Variants in ECM2 observed in about 807,000 individuals in gnomAD.
ECM2 encodes extracellular matrix protein 2, also known as extracellular matrix protein 2, female organ and adipocyte specific.
In ECM2, 57 loss-of-function variants were observed where a neutral mutation model predicts 67.5. That is an observed-to-expected ratio of 0.84 (90% CI 0.68 to 1.05). The LOEUF (loss-of-function observed/expected upper bound fraction) is 1.05. Ranked by LOEUF, ECM2 falls within the 50% of genes least tolerant of loss-of-function variation. The pLI is 0.00. For missense variants in ECM2, 741 were observed against 822.8 expected (o/e 0.90, Z 1.22); for synonymous variants, 258 against 294.5 (o/e 0.88, Z 1.27).
intron 2 of ECM2, 123 bp from the exon 3 acceptor site, chr9:92,517,998 T>C: frequency 8.9e-7 from 1 of 1,126,136 alleles, no homozygotes; most frequent in Non-Finnish European, 1.3e-6. Context: ...CTATGTGCAT[T>C]CATGTATAGG....
upstream of ECM2, among the ~76,000 whole-genome samples, chr9:92,536,945 C>T (rs1185004320): frequency 6.6e-6 from 1 of 150,758 alleles, no homozygotes; most frequent in Non-Finnish European, 1.5e-5. Flanking sequence ...TCTCAGCACA[C>T]TGAAACCTCC....
chr9:92,553,341 A>G, the ECM2 span, among the ~76,000 whole-genome samples: 1 of 152,054 alleles, frequency 6.6e-6, no homozygotes, highest in South Asian at 2.1e-4. Context: ...AGGTTGTGTG[A>G]TGTCTCCAGA....
intron 1 of ECM2, 59 bp downstream of exon 1, chr9:92,535,874 C>A: frequency 2.3e-5 from 9 of 397,608 alleles, no homozygotes; most frequent in South Asian, 7.9e-5. Flanking sequence ...AATAAAATAC[C>A]CAAATATTAA....
intron 7 of ECM2, among the ~76,000 whole-genome samples, chr9:92,504,378 C>T (rs938525931): frequency 1.3e-5 from 2 of 152,192 alleles, no homozygotes; most frequent in Non-Finnish European, 2.9e-5. Context: ...TCTTTTCTGG[C>T]TTGCTGGGGC....
At chr9:92,525,317 C>CA (rs59745811) in intron 1 of ECM2, among the ~76,000 whole-genome samples, 4,289 of 118,270 alleles carry the variant, frequency 0.036, 192 homozygotes, top group African/African-American at 0.11. Context: ...GACTCTGTCT[C>CA]AAAAAAAAAA....
chr9:92,534,157 G>C (rs541783577), intron 1 of ECM2, among the ~76,000 whole-genome samples: 6 of 152,180 alleles, frequency 3.9e-5, no homozygotes, highest in Admixed American at 1.3e-4. Flanking sequence ...GTCTGTGAAG[G>C]ACTCCTCAGA....
chr9:92,551,949 A>ATG, the ECM2 span, among the ~76,000 whole-genome samples: 3 of 122,760 alleles, frequency 2.4e-5, 1 homozygote, highest in Non-Finnish European at 4.9e-5. Flanking sequence ...ATATATATAT[A>ATG]TATGATATAT....
chr9:92,554,474 C>A, the ECM2 span, among the ~76,000 whole-genome samples: 1 of 152,192 alleles, frequency 6.6e-6, no homozygotes, highest in African/African-American at 2.4e-5. Context: ...TGAGCCACTG[C>A]GCCCTGCTTT....
Position 92,500,744 on chromosome 9 carries a change from C to T in ECM2, c.1914G>A (p.Leu638=). The T allele has an allele frequency of 6.2e-7, 1 of 1,610,766 alleles. No homozygotes were observed. The highest frequency in any genetic ancestry group is 1.3e-5 in the African/African-American group (1 of 74,902). The change falls in exon 9 of 10, where the codon CTG becomes CTA. Residue 638 remains leucine, a synonymous_variant. Transcript: ENST00000344604. ...QEMKALHFLR[L]NNNKIRNILP... ...AAATTTACCGTATCTTGTTGTTGTTCAGCCTCAGAAAATGTAGTGCTTTCA... is the reference window on the plus strand; with the variant it reads ...AAATTTACCGTATCTTGTTGTTGTTTAGCCTCAGAAAATGTAGTGCTTTCA...
the ECM2 span, among the ~76,000 whole-genome samples, chr9:92,551,841 G>T: frequency 6.7e-6 from 1 of 150,030 alleles, no homozygotes; most frequent in South Asian, 2.1e-4. Context: ...GTCATCCATG[G>T]TGTGTGTATA....
At chr9:92,551,993 GAT>G in the ECM2 span, among the ~76,000 whole-genome samples, 1 of 127,484 alleles carries the variant, frequency 7.8e-6, no homozygotes, top group East Asian at 2.1e-4. Context: ...GTATATATGT[GAT>G]ATATATGTGT....
At chr9:92,501,147 T>C in intron 8 of ECM2, 94 bp from the exon 9 acceptor site, 2 of 1,285,876 alleles carry the variant, frequency 1.6e-6, no homozygotes. Flanking sequence ...GCTGGTCCAT[T>C]TTCCTATAAG....
upstream of ECM2, among the ~76,000 whole-genome samples, chr9:92,537,804 A>T (rs1363146887): frequency 3.9e-5 from 6 of 152,244 alleles, no homozygotes; most frequent in Non-Finnish European, 8.8e-5. Context: ...AGAAAAGTAA[A>T]TTAAAACAGG....
chr9:92,539,692 G>T (rs187836886), upstream of ECM2, among the ~76,000 whole-genome samples: 1 of 152,280 alleles, frequency 6.6e-6, no homozygotes, highest in Non-Finnish European at 1.5e-5. Context: ...TTTGTTCTAG[G>T]ACTGACCTCT....
At chr9:92,541,427 G>A (rs1021065037), upstream of ECM2, among the ~76,000 whole-genome samples, 12 of 16,978 alleles carry the variant, frequency 7.1e-4, no homozygotes, top group African/African-American at 1.5e-3. Context: ...TCCCCACCCC[G>A]CCCACACCCC....
At chr9:92,551,962 ATG>A in the ECM2 span, among the ~76,000 whole-genome samples, 1 of 112,864 alleles carries the variant, frequency 8.9e-6, no homozygotes, top group African/African-American at 4.9e-5. Context: ...TGATATATAT[ATG>A]TGTGATATAT....
At chr9:92,516,708 ACT>A (rs1041054573) in intron 3 of ECM2, 1 of 152,142 alleles carries the variant, frequency 6.6e-6, no homozygotes, top group Non-Finnish European at 1.5e-5. Context: ...AGAATTTGTG[ACT>A]CTTACTTTGT....
chr9:92,506,476 A>G (rs1009715233), intron 6 of ECM2, among the ~76,000 whole-genome samples: 1 of 152,204 alleles, frequency 6.6e-6, no homozygotes, highest in African/African-American at 2.4e-5. Flanking sequence ...CTCAGCAATG[A>G]TAATACCCAA....
chr9:92,514,824 C>T lies in ECM2; in HGVS notation c.861G>A (p.Glu287=), dbSNP rs1337544723. 1.2e-6 allele frequency: 2 copies of T among 1,611,956 alleles called. No individual in the cohort carries two copies. The highest frequency in any genetic ancestry group is 2.7e-5 in the African/African-American group (2 of 74,820). ...CTCCTCTTACCGGGTCCTCCTCGTC[C>T]TCCTCATCCTCCTCACCCTCCTCAC... ...EEGEEGEEDE[E]DEEDPVRGDM... is the part of the protein sequence containing the mutation. The change falls in exon 4 of 10, where the codon GAG becomes GAA. Residue 287 remains glutamate (E), a synonymous_variant. Coordinates refer to ENST00000344604, the MANE Select transcript of ECM2 (RefSeq NM_001393.4).
Sources: allele counts gnomAD v4.1 joint callset (sites outside exome capture counted in the v4.1 genomes callset), GRCh38; gene constraint gnomAD v4.1.1; transcripts MANE v1.5; gene names NCBI Gene and HGNC (gene_info 2026-07-23, HGNC 2026-07-21).